The following GSN variants were observed in gnomAD, a reference collection of about 807,000 sequenced individuals.
The protein encoded by GSN is actin-depolymerizing factor.
GSN carries 56 observed loss-of-function variants against 85.7 expected under a neutral mutation model. That is an observed-to-expected ratio of 0.65 (90% confidence interval 0.53 to 0.82). GSN has a LOEUF of 0.82. Ranked by LOEUF, GSN falls within the 40% of genes least tolerant of loss-of-function variation. GSN has a pLI of 0.00. For synonymous variants in GSN, 373 were observed against 399.1 expected (o/e 0.93, Z 0.78); for missense variants, 857 against 979.8 (o/e 0.87, Z 1.67).
Position 121,329,226 on chromosome 9 carries a change from G to A in GSN, c.1888-12G>A, listed in dbSNP as rs779687220. ...GAAGACATCTCACTGATGCTCTTTC[G>A]TTCCTTCCCAGATCGAAGAGGTTCC... On this transcript the variant is annotated splice_polypyrimidine_tract_variant and intron_variant, in intron 15 of 17. Transcript: ENST00000432226. This position sits in a 1 kb window ranked among gnomAD's most constrained non-coding sequence, Gnocchi z 4.6. 7.5e-6 allele frequency: 12 copies of A among 1,600,680 alleles called. No individual in the cohort carries two copies. The highest frequency in any genetic ancestry group is 1.3e-5 in the African/African-American group (1 of 74,782).
chr9:121,331,308 T>C, intron 16 of GSN, 80 bp from the exon 17 acceptor site: 5 of 829,914 alleles, frequency 6.0e-6, no homozygotes, highest in Non-Finnish European at 1.0e-5. Flanking sequence ...GTCTGATACC[T>C]GGCCCCTCCC....
intron 5 of GSN, among the ~76,000 whole-genome samples, chr9:121,235,222 C>T (rs773243862): frequency 1.3e-5 from 2 of 152,224 alleles, no homozygotes; most frequent in Non-Finnish European, 2.9e-5. Context: ...AGAGAAAAGT[C>T]GTGAGTTTCA....
In GSN at chr9:121,242,906, G is replaced by A. The variant is rs150618373; in HGVS notation, c.-388-5370G>A. Among the ~76,000 whole-genome samples, 602 of 152,224 alleles carry A rather than the reference G, an allele frequency of 4.0e-3. 4 individuals are homozygous for A. Among genetic ancestry groups the A allele is most frequent in the African/African-American group, 0.013 (552 of 41,532 alleles). The stretch of plus-strand genomic sequence containing the variant: ...ACCCTGCCTGCTCCTGGGCTTCTGC[G>A]TAAATTTTCCTCATCCTTAAGGAAA... On this transcript the variant is annotated intron_variant, in intron 5 of 24. Coordinates refer to the GSN transcript ENST00000373823.
chr9:121,293,087 G>C (rs1277253118), intron 2 of GSN, among the ~76,000 whole-genome samples: 1 of 152,220 alleles, frequency 6.6e-6, no homozygotes, highest in Non-Finnish European at 1.5e-5. Flanking sequence ...CAGCAGGAGG[G>C]ATGTGGCACC....
chr9:121,262,137 G>T (rs1047305110), intron 6 of GSN, among the ~76,000 whole-genome samples: 1 of 152,120 alleles, frequency 6.6e-6, no homozygotes, highest in African/African-American at 2.4e-5. Flanking sequence ...TACAGAGAGG[G>T]GCCTAACATC....
At chr9:121,284,526 G>C (rs946500017) in intron 2 of GSN, 1 of 143,586 alleles carries the variant, frequency 7.0e-6, no homozygotes, top group Non-Finnish European at 1.6e-5. Context: ...GTGCCAAGGG[G>C]CTCAGGGAGA....
intron 4 of GSN, among the ~76,000 whole-genome samples, chr9:121,222,484 A>G (rs1018125404): frequency 1.3e-5 from 2 of 152,216 alleles, no homozygotes; most frequent in Non-Finnish European, 2.9e-5. Context: ...AATAAATTTG[A>G]TAGATGAAAA....
intron 4 of GSN, 71 bp from the exon 5 acceptor site, chr9:121,310,613 T>C (rs2060992627): frequency 2.0e-6 from 3 of 1,470,816 alleles, no homozygotes; most frequent in Non-Finnish European, 1.9e-6. Context: ...ACCTCAATTC[T>C]GTCCCCTTCT....
chr9:121,221,055 G>C (rs1250595574), intron 4 of GSN, among the ~76,000 whole-genome samples: 1 of 152,218 alleles, frequency 6.6e-6, no homozygotes, highest in Non-Finnish European at 1.5e-5. Flanking sequence ...CTGGATGGCA[G>C]ACTCCATCTC....
At chr9:121,273,430 G>A (rs2056256974) in intron 1 of GSN, among the ~76,000 whole-genome samples, 1 of 152,010 alleles carries the variant, frequency 6.6e-6, no homozygotes, top group Non-Finnish European at 1.5e-5. Flanking sequence ...GATGTGGGTG[G>A]CATATGTACT....
chr9:121,283,521 G>A (rs1215848201), intron 2 of GSN: 4 of 159,796 alleles, frequency 2.5e-5, no homozygotes, highest in African/African-American at 9.7e-5. Flanking sequence ...TGGTCTCAAA[G>A]TCCTGACCTC....
At chr9:121,296,107 C>G (rs1394311715) in intron 2 of GSN, among the ~76,000 whole-genome samples, 1 of 152,248 alleles carries the variant, frequency 6.6e-6, no homozygotes, top group Non-Finnish European at 1.5e-5. Flanking sequence ...CCGGAGACTC[C>G]TGGCTGCCAG....
At chr9:121,215,189 A>G (rs1036315991) in intron 4 of GSN, among the ~76,000 whole-genome samples, 2 of 148,602 alleles carry the variant, frequency 1.3e-5, no homozygotes, top group Non-Finnish European at 3.0e-5. Flanking sequence ...TCTTCTTCTA[A>G]GGGCACCAGT....
chr9:121,271,811 G>A (rs2056018112), intron 1 of GSN, among the ~76,000 whole-genome samples: 1 of 152,204 alleles, frequency 6.6e-6, no homozygotes, highest in African/African-American at 2.4e-5. Flanking sequence ...CCATTTCAGG[G>A]AATCCAGGCT....
At chr9:121,322,295 A>C (rs957589500) in intron 11 of GSN, among the ~76,000 whole-genome samples, 2 of 152,212 alleles carry the variant, frequency 1.3e-5, no homozygotes, top group African/African-American at 4.8e-5. Context: ...CATACTTTGT[A>C]TATTGCCCTG....
intron 2 of GSN, chr9:121,300,239 C>A: frequency 2.7e-6 from 2 of 740,950 alleles, no homozygotes; most frequent in Non-Finnish European, 4.9e-6. Context: ...GATTTCTTTT[C>A]CCCTGTCCTC....
chr9:121,327,033 G>A, intron 13 of GSN: 1 of 662,648 alleles, frequency 1.5e-6, no homozygotes, highest in Non-Finnish European at 2.8e-6. Context: ...AGCCTAGAGG[G>A]GAATGGGACT....
chr9:121,325,323 G>C (rs1249468434), intron 12 of GSN, among the ~76,000 whole-genome samples: 2 of 152,206 alleles, frequency 1.3e-5, no homozygotes, highest in African/African-American at 4.8e-5. Context: ...TGCACGTGTA[G>C]GAGTTGCCCA....
chr9:121,313,826 A>C lies in GSN; in HGVS notation c.664-108A>C, dbSNP rs1378625888. On this transcript the variant is annotated intron_variant, in intron 6 of 17. Transcript: ENST00000432226. ...CTGGAGGAGGTCAGACTCCATGGGG[A>C]GGGTCACAGTGGATGTCCTTGTGAT... 2.1e-5 allele frequency: 18 copies of C among 856,854 alleles called. No homozygotes were observed. The Admixed American group carries it at 2.9e-4, about 14-fold the overall frequency. The allele number at this position is 856,854 out of a possible 1,614,324, so 53.1% of individuals were successfully genotyped here.
Sources: gnomAD v4.1 joint callset for allele counts (sites outside exome capture counted in the v4.1 genomes callset) on GRCh38, gnomAD v4.1.1 for gene constraint, Gnocchi (gnomAD v3.1) non-coding constraint, MANE v1.5 for transcripts, NCBI Gene and HGNC (gene_info 2026-07-23, HGNC 2026-07-21) for gene names.